Variants in NUTM2F observed in about 807,000 individuals in gnomAD.
NUTM2F encodes NUT family member 2F.
NUTM2F carries 22 observed loss-of-function variants against 43.3 expected under a neutral mutation model. The ratio of observed to expected loss-of-function variants is 0.51; its 90% CI spans 0.36 to 0.73. The LOEUF is 0.73. Ranked by LOEUF, NUTM2F falls within the 30% of genes least tolerant of loss-of-function variation. The probability of loss-of-function intolerance (pLI) is 0.00; values close to 1 mark genes in which losing one functional copy is unlikely to be tolerated. For synonymous variants in NUTM2F, 202 were observed against 389.0 expected (o/e 0.52, Z 5.66); for missense variants, 488 against 927.4 (o/e 0.53, Z 6.15).
intron 1 of NUTM2F, among the ~76,000 whole-genome samples, chr9:94,326,587 C>A (rs1235491867): frequency 6.6e-6 from 1 of 151,970 alleles, no homozygotes. Flanking sequence ...CCCGTCTCTA[C>A]TAAAATACAA....
At chr9:94,324,814 A>G (rs75843246) in intron 2 of NUTM2F, among the ~76,000 whole-genome samples, 4,867 of 151,410 alleles carry the variant, frequency 0.032, 197 homozygotes, top group East Asian at 0.24. Flanking sequence ...AACATGGAGA[A>G]ACCCCATCTC....
In NUTM2F at chr9:94,319,523, C is replaced by A; in HGVS notation, c.1485+90G>T. 9 of 1,524,780 alleles carry A rather than the reference C, an allele frequency of 5.9e-6. No individual in the cohort carries two copies. In the South Asian group the frequency reaches 9.0e-5, roughly 15 times the overall value. 94.5% of individuals were successfully genotyped at this position (1,524,780 alleles called of 1,614,324 possible). On this transcript the variant is annotated intron_variant, in intron 6 of 6. Transcript: ENST00000253262. Reference sequence around the variant, plus strand: ...TCCCCAAGAAGCTGAACATCCCCAGCAGGGTGGGCTTAGACAATCGGGTGG... The same window carrying A: ...TCCCCAAGAAGCTGAACATCCCCAGAAGGGTGGGCTTAGACAATCGGGTGG...
At chr9:94,328,339 C>T (rs1481391282) in intron 1 of NUTM2F, among the ~76,000 whole-genome samples, 5 of 152,088 alleles carry the variant, frequency 3.3e-5, no homozygotes, top group African/African-American at 9.7e-5. Flanking sequence ...GACCTGTCCC[C>T]CTCTAGAAAG....
intron 1 of NUTM2F, among the ~76,000 whole-genome samples, chr9:94,326,465 G>A (rs1831453537): frequency 6.6e-6 from 1 of 152,032 alleles, no homozygotes; most frequent in Non-Finnish European, 1.5e-5. Flanking sequence ...AAAACCACTG[G>A]ATAGGCCGGG....
In NUTM2F at chr9:94,320,361, C is replaced by G; in HGVS notation, c.1215G>C (p.Leu405=). 1 of 1,613,526 alleles carries G rather than the reference C, an allele frequency of 6.2e-7. No homozygotes were observed. Among genetic ancestry groups the G allele is most frequent in the Non-Finnish European group, 8.5e-7 (1 of 1,179,826 alleles). The part of the protein sequence containing the change: ...VQEYVDIMEE[L]LGSHPGDTGE... ...CTGTGTCCCCAGGGTGAGACCCCAG[C>G]AGCTCCTCCATGATGTCCACATACT... Residue 405 remains leucine (L), a synonymous_variant, in exon 5 of 7, where the codon CTG becomes CTC. Coordinates refer to ENST00000253262, the MANE Select transcript of NUTM2F (RefSeq NM_017561.2). The surrounding 1 kb of genome is among the most constrained non-coding windows in gnomAD (Gnocchi z 4.5).
rs777415701 is a variant in NUTM2F, at chr9:94,322,238, T to C, written c.805A>G (p.Asn269Asp). ...TCGTAGAAGATCATCCGGTCAAAGT[T>C]GCTCGTGTGCTGCCATTCCCGCATG... ...QAMREWQHTS[N>D]FDRMIFYEMA... Residue 269 changes from asparagine to aspartate, a missense_variant, in exon 3 of 7, where the codon AAC becomes GAC. Asn to Asp is a conservative substitution (Grantham distance 23). Coordinates refer to ENST00000253262, the MANE Select transcript of NUTM2F (RefSeq NM_017561.2). 1.4e-5 allele frequency: 23 copies of C among 1,611,992 alleles called. No homozygotes were observed. The highest frequency in any genetic ancestry group is 9.9e-5 in the South Asian group (9 of 90,988).
rs1831346746 is a variant in NUTM2F at position 94,320,485 on chromosome 9, T to C, written c.1091A>G (p.Gln364Arg). The change falls in exon 5 of 7, where the codon CAG (glutamine) becomes CGG (arginine). Residue 364 changes from glutamine (Q) to arginine (R), a missense_variant. Transcript: ENST00000253262. The surrounding 1 kb of genome is among the most constrained non-coding windows in gnomAD (Gnocchi z 4.5). ...TKAHLPPPRP[Q>R]RPAETNAHLP... ...GTGGGCGTTGGTCTCCGCTGGCCTC[T>C]GGGGCCTGGGTGGTGGCAGGTGGGC... 1 of 1,611,390 alleles carries C rather than the reference T, an allele frequency of 6.2e-7. No homozygotes were observed. Among genetic ancestry groups the C allele is most frequent in the Admixed American group, 1.7e-5 (1 of 59,978 alleles).
At chr9:94,326,566 C>T (rs1362779347) in intron 1 of NUTM2F, among the ~76,000 whole-genome samples, 2 of 151,998 alleles carry the variant, frequency 1.3e-5, no homozygotes, top group Non-Finnish European at 2.9e-5. Context: ...GTCTGGCCAA[C>T]GTGGTGAAAC....
chr9:94,322,097 C>T, intron 3 of NUTM2F, 104 bp downstream of exon 3: 4 of 1,531,184 alleles, frequency 2.6e-6, no homozygotes, highest in Admixed American at 1.7e-5. Context: ...TGTTTGTCCA[C>T]ACCCTCCTCA....
chr9:94,319,524 A>G (rs1831327910), intron 6 of NUTM2F, 89 bp downstream of exon 6: 8 of 1,526,534 alleles, frequency 5.2e-6, no homozygotes, highest in Admixed American at 1.7e-5. Context: ...CATCCCCAGC[A>G]GGGTGGGCTT....
intron 1 of NUTM2F, among the ~76,000 whole-genome samples, chr9:94,327,155 G>C (rs1366640062): frequency 2.8e-5 from 4 of 144,510 alleles, no homozygotes; most frequent in Non-Finnish European, 6.1e-5. Flanking sequence ...CCAGGCTGGA[G>C]TGCAGTGGTG....
intron 2 of NUTM2F, among the ~76,000 whole-genome samples, chr9:94,324,987 CA>C (rs1205985816): frequency 0.045 from 4,450 of 98,306 alleles, 181 homozygotes; most frequent in African/African-American, 0.1. Context: ...AAGTCCATCT[CA>C]AAAAAAAAAA....
Position 94,325,747 on chromosome 9 carries a change from C to T in NUTM2F, c.204G>A (p.Gln68=). The T allele has an allele frequency of 6.2e-7, 1 of 1,611,872 alleles. No individual in the cohort carries two copies. Among genetic ancestry groups the T allele is most frequent in the Non-Finnish European group, 8.5e-7 (1 of 1,179,850 alleles). Residue 68 remains glutamine (Q), a synonymous_variant, in exon 2 of 7, where the codon CAG becomes CAA. Transcript: ENST00000253262. ...CGGCCCCACTCGGGCCGCGGCCATC[C>T]TGTCCTGCCACTAGAGGGGTGCTGG... ...AFPSTPLVAG[Q]DGRGPSGAGA...
chr9:94,324,391 G>A (rs1023083482), intron 2 of NUTM2F, among the ~76,000 whole-genome samples: 7 of 151,952 alleles, frequency 4.6e-5, no homozygotes, highest in African/African-American at 1.2e-4. Context: ...AGCCAGGCAC[G>A]GTGGCTCATG....
chr9:94,320,992 A>G lies in NUTM2F; in HGVS notation c.982+101T>C. The G allele has an allele frequency of 6.8e-7, 1 of 1,475,812 alleles. No individual in the cohort carries two copies. Among genetic ancestry groups the G allele is most frequent in the Non-Finnish European group, 8.9e-7 (1 of 1,118,922 alleles). The allele number at this position is 1,475,812 out of a possible 1,614,324, so 91.4% of individuals were successfully genotyped here. Reference sequence around the variant, plus strand: ...CGGAAGCTGTCCTGTTGGAGGGAGCAAATCCCCCTCTTGAAGGGAAGCATG... The same window carrying G: ...CGGAAGCTGTCCTGTTGGAGGGAGCGAATCCCCCTCTTGAAGGGAAGCATG... On this transcript the variant is annotated intron_variant, in intron 4 of 6. Coordinates refer to ENST00000253262, the MANE Select transcript of NUTM2F (RefSeq NM_017561.2). This position sits in a 1 kb window ranked among gnomAD's most constrained non-coding sequence, Gnocchi z 4.5.
chr9:94,325,783 G>A lies in NUTM2F; in HGVS notation c.168C>T (p.Leu56=), dbSNP rs571279933. ...CTAGAGGGGTGCTGGGGAAGGCAGA[G>A]AGCACCAGAGGGCCGGCTGGAGGAA... ...AVVPPAGPLV[L]SAFPSTPLVA... is the part of the protein sequence containing the mutation. Residue 56 remains leucine (L), a synonymous_variant, in exon 2 of 7, where the codon CTC becomes CTT. Coordinates refer to ENST00000253262, the MANE Select transcript of NUTM2F (RefSeq NM_017561.2). 1.4e-5 allele frequency: 23 copies of A among 1,612,166 alleles called. No homozygotes were observed. The African/African-American group carries it at 2.3e-4, about 16-fold the overall frequency.
chr9:94,321,826 C>T (rs989030583), intron 3 of NUTM2F, among the ~76,000 whole-genome samples: 2 of 150,546 alleles, frequency 1.3e-5, no homozygotes, highest in Admixed American at 6.7e-5. Context: ...GGGAGAAAAC[C>T]GACTTCTGGC....
chr9:94,326,743 CAAAAAAAAA>C (rs763429569), intron 1 of NUTM2F, among the ~76,000 whole-genome samples: 1 of 90,916 alleles, frequency 1.1e-5, no homozygotes. Context: ...GACTCCGTCT[CAAAAAAAAA>C]AAAAAAAAAA....
At chr9:94,323,997 C>G (rs187184435) in intron 2 of NUTM2F, among the ~76,000 whole-genome samples, 181 of 152,260 alleles carry the variant, frequency 1.2e-3, no homozygotes, top group Non-Finnish European at 2.0e-3. Flanking sequence ...AGGGTGGGTG[C>G]GGTGGCTCAC....
Sources: gnomAD v4.1 joint callset for allele counts (sites outside exome capture counted in the v4.1 genomes callset) on GRCh38, gnomAD v4.1.1 for gene constraint, Gnocchi (gnomAD v3.1) non-coding constraint, MANE v1.5 for transcripts, NCBI Gene and HGNC (gene_info 2026-07-23, HGNC 2026-07-21) for gene names.